GABRR3: variants seen among roughly 807,000 people sequenced by gnomAD.
GABRR3 encodes the protein gamma-aminobutyric acid type A receptor subunit rho3, also known as gamma-aminobutyric acid receptor subunit rho-3.
A neutral mutation model predicts 43.2 loss-of-function variants in GABRR3; 29 were observed. That is an observed-to-expected ratio of 0.67 (90% CI 0.50 to 0.92). GABRR3 has a LOEUF of 0.92. GABRR3 is among the 40% of genes least tolerant of loss of function. The probability of loss-of-function intolerance (pLI) is 0.00; values close to 1 mark genes in which losing one functional copy is unlikely to be tolerated. For synonymous variants in GABRR3, 206 were observed against 195.9 expected, an observed-to-expected ratio of 1.05 and a Z score of -0.43; for missense variants, 576 against 572.3, an observed-to-expected ratio of 1.01 and a Z score of -0.07.
At chr3:98,020,545 A>G (rs898388863) in intron 3 of GABRR3, among the ~76,000 whole-genome samples, 1 of 151,596 alleles carries the variant, frequency 6.6e-6, no homozygotes, top group Admixed American at 6.6e-5. Flanking sequence ...ACTTGCAGCT[A>G]GTACCTCATG....
At chr3:98,013,154 T>C (rs769748406) in intron 4 of GABRR3, among the ~76,000 whole-genome samples, 4 of 152,198 alleles carry the variant, frequency 2.6e-5, no homozygotes, top group Non-Finnish European at 5.9e-5. Flanking sequence ...TGTGAAATGG[T>C]AGTTCTCAAA....
intron 4 of GABRR3, among the ~76,000 whole-genome samples, chr3:98,015,780 C>T (rs947448019): frequency 2.6e-5 from 4 of 152,278 alleles, no homozygotes; most frequent in Middle Eastern, 3.4e-3. Flanking sequence ...GGTAAGAACA[C>T]GTGATAGAGT....
intron 9 of GABRR3, among the ~76,000 whole-genome samples, chr3:97,988,126 T>C (rs1381681510): frequency 6.6e-6 from 1 of 151,800 alleles, no homozygotes; most frequent in Non-Finnish European, 1.5e-5. Flanking sequence ...GCTGGGACAA[T>C]GGAAAGTATG....
intron 6 of GABRR3, 61 bp downstream of exon 6, chr3:98,008,895 G>A: frequency 1.2e-6 from 1 of 866,332 alleles, no homozygotes; most frequent in South Asian, 1.7e-5. Flanking sequence ...TTATTTACAT[G>A]TAAGTATGTG....
rs1221999266 is a variant in GABRR3 at position 97,995,270 on chromosome 3, C to T, written c.908-2222G>A. Among the ~76,000 whole-genome samples, 5 of 152,226 alleles carry T rather than the reference C, an allele frequency of 3.3e-5. No individual in the cohort carries two copies. The South Asian group carries it at 1.0e-3, about 32-fold the overall frequency. Reference sequence around the variant, plus strand: ...GGGATTACAGGCATGAGCCACCACGCCCAGCTAAAAAATTTTTAATGTCTT... The same window carrying T: ...GGGATTACAGGCATGAGCCACCACGTCCAGCTAAAAAATTTTTAATGTCTT... On this transcript the variant is annotated intron_variant, in intron 8 of 9. Transcript: ENST00000621172.
intron 8 of GABRR3, 28 bp from the exon 9 acceptor site, chr3:97,993,076 A>G (rs1333261132): frequency 6.5e-7 from 1 of 1,539,448 alleles, no homozygotes; most frequent in East Asian, 2.3e-5. Flanking sequence ...TGGCAAGCTC[A>G]GTGATATAGC....
chr3:98,013,825 C>T (rs1253284522), intron 4 of GABRR3, among the ~76,000 whole-genome samples: 3 of 152,082 alleles, frequency 2.0e-5, no homozygotes, highest in Non-Finnish European at 4.4e-5. Flanking sequence ...CCTTAATAAG[C>T]ATATATTTAG....
downstream of GABRR3, among the ~76,000 whole-genome samples, chr3:97,985,867 T>A (rs201228198): frequency 1.6e-5 from 2 of 128,802 alleles, no homozygotes; most frequent in African/African-American, 2.8e-5. Flanking sequence ...ATATTTTTTT[T>A]TATTTTATTT....
At chr3:97,997,649 T>C (rs1170528170) in intron 8 of GABRR3, 1 of 152,134 alleles carries the variant, frequency 6.6e-6, no homozygotes, top group Non-Finnish European at 1.5e-5. Context: ...GGGAAACATA[T>C]AAATGCATAT....
chr3:98,006,517 GT>G (rs1706725850), intron 7 of GABRR3, among the ~76,000 whole-genome samples: 1 of 152,146 alleles, frequency 6.6e-6, no homozygotes, highest in African/African-American at 2.4e-5. Context: ...AAAGCTGCAG[GT>G]TTTAGATACA....
chr3:97,992,828 C>A (rs999233414), intron 9 of GABRR3, 24 bp downstream of exon 9: 1 of 1,571,180 alleles, frequency 6.4e-7, no homozygotes, highest in African/African-American at 1.3e-5. Context: ...CCCAAGGGAT[C>A]TGATAGTCAG....
intron 7 of GABRR3, among the ~76,000 whole-genome samples, chr3:98,007,160 A>C (rs1313889959): frequency 2.6e-5 from 4 of 152,124 alleles, no homozygotes; most frequent in African/African-American, 9.7e-5. Flanking sequence ...AACGGTGAGA[A>C]AGGAAGCCTG....
intron 8 of GABRR3, chr3:98,000,186 G>A (rs537328966): frequency 6.6e-6 from 1 of 152,138 alleles, no homozygotes; most frequent in Admixed American, 6.5e-5. Context: ...TAACCCTAAG[G>A]GATCAGATGT....
chr3:98,008,602 G>A (rs1206214638), intron 6 of GABRR3, among the ~76,000 whole-genome samples: 1 of 152,078 alleles, frequency 6.6e-6, no homozygotes, highest in African/African-American at 2.4e-5. Context: ...GATTCATCTG[G>A]GAACGTGAAT....
intron 2 of GABRR3, among the ~76,000 whole-genome samples, chr3:98,031,468 G>C (rs558068422): frequency 2.0e-5 from 3 of 152,138 alleles, no homozygotes; most frequent in Non-Finnish European, 4.4e-5. Context: ...GAAGGCTGTG[G>C]GCACGGTGGC....
chr3:97,988,649 ATGG>A (rs1706418613), intron 9 of GABRR3, among the ~76,000 whole-genome samples: 1 of 130,402 alleles, frequency 7.7e-6, no homozygotes, highest in Admixed American at 7.4e-5. Flanking sequence ...TGGGTGATAG[ATGG>A]TGGGTGGTGT....
At chr3:98,025,637 C>T (rs370488601) in exon 3 of GABRR3, 147 of 1,612,720 alleles carry the variant, frequency 9.1e-5, no homozygotes, top group East Asian at 4.2e-4. Flanking sequence ...TCTGAGGCCG[C>T]GCTTTGGTAC....
chr3:97,993,481 A>C (rs1019845919), intron 8 of GABRR3, among the ~76,000 whole-genome samples: 2 of 152,070 alleles, frequency 1.3e-5, no homozygotes, highest in African/African-American at 4.8e-5. Flanking sequence ...TTAATATTTC[A>C]TGCTTCCGGG....
chr3:98,017,646 G>GA lies in GABRR3; in HGVS notation c.306+8dup. 6.2e-7 allele frequency: 1 copy of GA among 1,602,826 alleles called. No individual in the cohort carries two copies. Among genetic ancestry groups the GA allele is most frequent in the Non-Finnish European group, 8.5e-7 (1 of 1,173,006 alleles). The stretch of plus-strand genomic sequence containing the variant: ...CAGAAAAAGAGCAATATCCCATGAA[G>GA]AAACTTACCATGTTAGTCTCTGAAA... On this transcript the variant is annotated intron_variant, in intron 4 of 9. Transcript: ENST00000621172.
Sources: gnomAD v4.1 joint callset for allele counts (sites outside exome capture counted in the v4.1 genomes callset) on GRCh38, gnomAD v4.1.1 for gene constraint, MANE v1.5 for transcripts, NCBI Gene and HGNC (gene_info 2026-07-23, HGNC 2026-07-21) for gene names.